Variants in DYNC1H1 observed in about 807,000 individuals in gnomAD.
DYNC1H1 encodes cytoplasmic dynein 1 heavy chain 1.
Under a neutral mutation model 527.1 loss-of-function variants are expected in DYNC1H1, and 51 were observed. That is an observed-to-expected ratio of 0.10 (90% CI 0.08 to 0.12). DYNC1H1 has a LOEUF of 0.12. DYNC1H1 is among the 10% of genes least tolerant of loss of function. The pLI is 1.00. For missense variants in DYNC1H1, 2,771 were observed against 5,971.8 expected, an observed-to-expected ratio of 0.46 and a Z score of 17.66; for synonymous variants, 2,189 against 2,278.8, an observed-to-expected ratio of 0.96 and a Z score of 1.12.
intron 48 of DYNC1H1, chr14:102,028,662 A>C (rs1012012935): frequency 2.6e-5 from 5 of 195,152 alleles, no homozygotes; most frequent in African/African-American, 1.2e-4. Flanking sequence ...CTAACACTTT[A>C]GTGCCCCCAC....
rs17512884 is a variant in DYNC1H1 at position 102,044,526 on chromosome 14, G to A, written c.12902+35G>A. 0.068 allele frequency: 109,506 copies of A among 1,614,108 alleles called. 4,006 individuals are homozygous for A. Among genetic ancestry groups the A allele is most frequent in the South Asian group, 0.095 (8,669 of 91,072 alleles). On this transcript the variant is annotated intron_variant, in intron 71 of 77. Transcript: ENST00000360184. The surrounding 1 kb of genome is among the most constrained non-coding windows in gnomAD (Gnocchi z 7.1). ...TGCCTGCTGGAATGGAGACAGTTGT[G>A]ATGTCAGGGCGTCTGGTGTCACTCA...
chr14:101,967,457 A>G (rs574615782), intron 1 of DYNC1H1, among the ~76,000 whole-genome samples: 1 of 152,222 alleles, frequency 6.6e-6, no homozygotes, highest in Non-Finnish European at 1.5e-5. Context: ...GTAATTGAAT[A>G]TAGAAACATT....
At position 102,000,295 on chromosome 14, in the gene DYNC1H1, G is replaced by A. The variant is rs2141285228; in HGVS notation, c.3970G>A (p.Glu1324Lys). ...GSEERVQVAL[E>K]ELQDLKGVWS... ...CTATTCTCAATCGCAGGTGGCCTTA[G>A]AAGAATTACAGGACCTCAAAGGCGT... The change falls in exon 18 of 78, where the codon GAA becomes AAA. Residue 1324 changes from glutamate to lysine, a missense_variant. Physicochemically the swap from Glu to Lys is moderately conservative, Grantham distance 56 (BLOSUM62 1). Coordinates refer to ENST00000360184, the MANE Select transcript of DYNC1H1 (RefSeq NM_001376.5). 1 of 1,614,194 alleles carries A rather than the reference G, an allele frequency of 6.2e-7. No individual in the cohort carries two copies. Among genetic ancestry groups the A allele is most frequent in the Non-Finnish European group, 8.5e-7 (1 of 1,180,046 alleles).
intron 56 of DYNC1H1, chr14:102,036,000 C>T (rs1022173173): frequency 5.7e-6 from 1 of 176,002 alleles, no homozygotes; most frequent in African/African-American, 2.4e-5. Context: ...GTCCTTTCCT[C>T]ATTTGTAGAA....
chr14:102,027,445 T>C lies in DYNC1H1; in HGVS notation c.8949T>C (p.Ser2983=). 2 of 1,614,178 alleles carry C rather than the reference T, an allele frequency of 1.2e-6. No individual in the cohort carries two copies. Among genetic ancestry groups the C allele is most frequent in the East Asian group, 2.2e-5 (1 of 44,892 alleles). The change falls in exon 46 of 78, where the codon TCT becomes TCC. Residue 2983 remains serine, a synonymous_variant. Transcript: ENST00000360184. This position sits in a 1 kb window ranked among gnomAD's most constrained non-coding sequence, Gnocchi z 7.7. The part of the protein sequence containing the change: ...DEDLRTVLRR[S]GCKNEKIAFI... ...ATCTACGGACAGTGTTGAGACGTTC[T>C]GGCTGTAAAAATGAAAAGATAGCAT...
intron 16 of DYNC1H1, among the ~76,000 whole-genome samples, chr14:101,999,443 T>C (rs1595607959): frequency 6.6e-6 from 1 of 152,356 alleles, no homozygotes; most frequent in Non-Finnish European, 1.5e-5. Flanking sequence ...ACGTCCAGCC[T>C]AAGTAAAATG....
Position 101,986,152 on chromosome 14 carries a change from C to G in DYNC1H1, c.1927C>G (p.Pro643Ala), listed in dbSNP as rs557248415. ...CKMSHVRDLP[P>A]VSGSIIWAKQ... ...GATGAGTCACGTTCGTGACTTGCCC[C>G]CTGTGTCAGGGTCTATCATCTGGGC... The change falls in exon 8 of 78, where the codon CCT (proline) becomes GCT (alanine). Residue 643 changes from proline (P) to alanine (A), a missense_variant. Transcript: ENST00000360184. This position sits in a 1 kb window ranked among gnomAD's most constrained non-coding sequence, Gnocchi z 8.7. 6.2e-7 allele frequency: 1 copy of G among 1,614,192 alleles called. No homozygotes were observed. Among genetic ancestry groups the G allele is most frequent in the Non-Finnish European group, 8.5e-7 (1 of 1,180,044 alleles).
rs2048581660 is a variant in DYNC1H1 at position 102,036,861 on chromosome 14, T to G, written c.10908+219T>G. On this transcript the variant is annotated intron_variant, in intron 57 of 77. Transcript: ENST00000360184. This position sits in a 1 kb window ranked among gnomAD's most constrained non-coding sequence, Gnocchi z 5.6. ...TGGCTCACACCTGTAATCTCAGCAC[T>G]TTGGGAGGCCGAGGCGGGTGGATCA... The G allele has an allele frequency of 1.9e-6, 1 of 519,264 alleles. No individual in the cohort carries two copies. Among genetic ancestry groups the G allele is most frequent in the African/African-American group, 1.9e-5 (1 of 51,584 alleles). The allele number at this position is 519,264 out of a possible 1,614,324, so 32.2% of individuals were successfully genotyped here. A position where few individuals can be genotyped will look rare whatever the true frequency, so the allele number is the denominator to read the frequency against.
rs943127766 is a variant in DYNC1H1 at position 102,056,053 on chromosome 14, T to C, written c.*5490T>C. 6.6e-6 allele frequency: 1 copy of C among 152,254 alleles called. No homozygotes were observed. Among genetic ancestry groups the C allele is most frequent in the Non-Finnish European group, 1.5e-5 (1 of 68,056 alleles). 9.4% of individuals were successfully genotyped at this position (152,254 alleles called of 1,614,324 possible). On this transcript the variant is annotated 3_prime_UTR_variant, in exon 78 of 78. Transcript: ENST00000360184. Reference sequence around the variant, plus strand: ...AGAGAGACCCTCTCATATTGTTTTATACTCAGTACCTGTTTTAAGAAAAAA... The same window carrying C: ...AGAGAGACCCTCTCATATTGTTTTACACTCAGTACCTGTTTTAAGAAAAAA...
At chr14:101,982,731 T>C (rs1384841239) in intron 5 of DYNC1H1, among the ~76,000 whole-genome samples, 1 of 106,966 alleles carries the variant, frequency 9.3e-6, no homozygotes, top group African/African-American at 3.7e-5. Context: ...TTGCCAAAAA[T>C]GTTGAGGGCC....
intron 9 of DYNC1H1, 99 bp from the exon 10 acceptor site, chr14:101,988,604 T>A: frequency 6.7e-7 from 1 of 1,503,112 alleles, no homozygotes; most frequent in Non-Finnish European, 9.2e-7. Flanking sequence ...TCCGGAACTG[T>A]GTATCTTTTA....
In DYNC1H1 at chr14:101,988,984, G is replaced by A. The variant is rs140527917; in HGVS notation, c.2868+132G>A. 9.9e-5 allele frequency: 125 copies of A among 1,262,272 alleles called. No homozygotes were observed. In the East Asian group the frequency reaches 1.6e-3, roughly 16 times the overall value. The allele number at this position is 1,262,272 out of a possible 1,614,324, so 78.2% of individuals were successfully genotyped here. On this transcript the variant is annotated intron_variant, in intron 10 of 77. Coordinates refer to ENST00000360184, the MANE Select transcript of DYNC1H1 (RefSeq NM_001376.5). ...CACCTTAACCAGGTGATGAAGGTCA[G>A]CCTCACCAGTGGCGATGTGCAGGTG...
intron 12 of DYNC1H1, 60 bp downstream of exon 12, chr14:101,994,384 A>G: frequency 6.2e-7 from 1 of 1,610,790 alleles, no homozygotes; most frequent in East Asian, 2.2e-5. Flanking sequence ...ACTTAAGAGT[A>G]CAAGATATAA....
rs766244729 is a variant in DYNC1H1, at chr14:102,000,972, G to T, written c.4093G>T (p.Ala1365Ser). The T allele has an allele frequency of 1.2e-6, 2 of 1,614,180 alleles. No individual in the cohort carries two copies. Among genetic ancestry groups the T allele is most frequent in the South Asian group, 1.1e-5 (1 of 91,082 alleles). Residue 1365 changes from alanine (A) to serine (S), a missense_variant, in exon 19 of 78, where the codon GCC becomes TCC. By Grantham distance (99) the Ala-to-Ser change is moderately conservative. Around this residue, in one of 32 missense-constraint regions of DYNC1H1, gnomAD observed 223 missense variants for 462.5 expected, o/e 0.48. Transcript: ENST00000360184. ...QPRKLRQNLDALLNQLKSFPA... is the reference protein window; with the variant it reads ...QPRKLRQNLDSLLNQLKSFPA... ...TCGACAGCTTCGACAAAATTTGGAT[G>T]CCCTCCTGAACCAGCTGAAAAGCTT...
At chr14:102,004,105 G>A (rs902154994) in intron 23 of DYNC1H1, among the ~76,000 whole-genome samples, 2 of 151,674 alleles carry the variant, frequency 1.3e-5, no homozygotes, top group African/African-American at 4.8e-5. Context: ...TTAGCCGGGC[G>A]TGGTGGTGGG....
At position 101,997,658 on chromosome 14, in the gene DYNC1H1, G is replaced by A. The variant is rs1371925263; in HGVS notation, c.3804+384G>A. On this transcript the variant is annotated intron_variant, in intron 16 of 77. Transcript: ENST00000360184. This position sits in a 1 kb window ranked among gnomAD's most constrained non-coding sequence, Gnocchi z 4.8. ...TTTTTGCCAGTGCTGCCAGTGGATT[G>A]TGGGGAGGCAGGTTCTGTTGTCTTC... Among the ~76,000 whole-genome samples the A allele has an allele frequency of 1.3e-5, 2 of 152,196 alleles. No homozygotes were observed. The highest frequency in any genetic ancestry group is 2.4e-5 in the African/African-American group (1 of 41,446).
At position 102,029,475 on chromosome 14, in the gene DYNC1H1, T is replaced by C; in HGVS notation, c.9469-64T>C. The C allele has an allele frequency of 1.2e-6, 2 of 1,611,684 alleles. No homozygotes were observed. The highest frequency in any genetic ancestry group is 1.1e-5 in the South Asian group (1 of 90,632). ...CACACCCATCTGCCAAGGCCAAAAT[T>C]GTTTTCTGAGGTTAAGTCACAGAGT... On this transcript the variant is annotated intron_variant, in intron 48 of 77. Coordinates refer to ENST00000360184, the MANE Select transcript of DYNC1H1 (RefSeq NM_001376.5). The surrounding 1 kb of genome is among the most constrained non-coding windows in gnomAD (Gnocchi z 5.3).
chr14:101,987,399 T>G, intron 8 of DYNC1H1, 54 bp from the exon 9 acceptor site: 1 of 1,541,536 alleles, frequency 6.5e-7, no homozygotes, highest in Non-Finnish European at 8.9e-7. Context: ...TATGTGAGAA[T>G]AAAGGAACAG....
intron 48 of DYNC1H1, 125 bp downstream of exon 48, chr14:102,028,266 C>T (rs1342280099): frequency 2.6e-6 from 3 of 1,167,020 alleles, no homozygotes; most frequent in Non-Finnish European, 3.7e-6. Flanking sequence ...AATCCCAGCA[C>T]TTTGGGAGGC....
Sources: allele counts gnomAD v4.1 joint callset (sites outside exome capture counted in the v4.1 genomes callset), GRCh38; gene constraint gnomAD v4.1.1; regional missense constraint gnomAD v4.1.1; non-coding constraint Gnocchi (gnomAD v3.1); transcripts MANE v1.5; gene names NCBI Gene and HGNC (gene_info 2026-07-23, HGNC 2026-07-21).